Variants in ACOXL observed in about 807,000 individuals in gnomAD.
The protein encoded by ACOXL is acyl-coenzyme A oxidase-like protein.
In ACOXL, 70 loss-of-function variants were observed where a neutral mutation model predicts 71.9. The observed-to-expected ratio is 0.97, with a 90% CI of 0.80 to 1.19. ACOXL has a LOEUF of 1.19. ACOXL is among the 50% of genes most tolerant of loss of function. ACOXL has a pLI of 0.00. For synonymous variants in ACOXL, 253 were observed against 281.6 expected, an observed-to-expected ratio of 0.90 and a Z score of 1.02; for missense variants, 703 against 736.3, an observed-to-expected ratio of 0.95 and a Z score of 0.52.
chr2:110,903,049 C>T lies in ACOXL; in HGVS notation c.789-5740C>T, dbSNP rs115970554. 2.5e-3 allele frequency among the ~76,000 whole-genome samples: 383 copies of T among 152,334 alleles called. 4 individuals carry two copies. Among genetic ancestry groups the T allele is most frequent in the African/African-American group, 8.9e-3 (369 of 41,574 alleles). ...CTCCTTCTTCTGGTTGCAGGGATACCTGCAAACAAGTTTGCACCCTAAGAA... is the reference window on the plus strand; with the variant it reads ...CTCCTTCTTCTGGTTGCAGGGATACTTGCAAACAAGTTTGCACCCTAAGAA... On this transcript the variant is annotated intron_variant, in intron 10 of 17. Transcript: ENST00000439055.
At chr2:111,048,326 T>C (rs2066117383) in intron 15 of ACOXL, among the ~76,000 whole-genome samples, 1 of 152,120 alleles carries the variant, frequency 6.6e-6, no homozygotes, top group Non-Finnish European at 1.5e-5. Context: ...TCATAGAGGG[T>C]AAAGAGTGAA....
At chr2:111,039,013 G>A (rs1230433438) in intron 15 of ACOXL, among the ~76,000 whole-genome samples, 2 of 152,154 alleles carry the variant, frequency 1.3e-5, no homozygotes, top group Non-Finnish European at 2.9e-5. Context: ...CTTTAAAGGT[G>A]CCTCCTGGCA....
At chr2:110,963,236 G>A (rs1471823646) in intron 12 of ACOXL, among the ~76,000 whole-genome samples, 2 of 152,112 alleles carry the variant, frequency 1.3e-5, no homozygotes, top group African/African-American at 4.8e-5. Context: ...GGTTGCTGGG[G>A]GTGGGGGAGG....
rs376476951 is a variant in ACOXL at position 110,798,999 on chromosome 2, C to G, written c.461-15C>G. ...AGGAAGGAGAGCTTAATAATGATCTCGATGCCTTCCTTAGGGCCCCACTGT... is the reference window on the plus strand; with the variant it reads ...AGGAAGGAGAGCTTAATAATGATCTGGATGCCTTCCTTAGGGCCCCACTGT... On this transcript the variant is annotated splice_polypyrimidine_tract_variant and intron_variant, in intron 6 of 17. Coordinates refer to ENST00000439055, the MANE Select transcript of ACOXL (RefSeq NM_001142807.4). 6 of 1,612,540 alleles carry G rather than the reference C, an allele frequency of 3.7e-6. No individual in the cohort carries two copies. The African/African-American group carries it at 4.0e-5, about 11-fold the overall frequency.
chr2:111,110,888 C>T (rs2069898582), intron 17 of ACOXL, among the ~76,000 whole-genome samples: 1 of 152,152 alleles, frequency 6.6e-6, no homozygotes, highest in Admixed American at 6.5e-5. Flanking sequence ...TCATTTGGGA[C>T]AATGAAGTTG....
intron 12 of ACOXL, among the ~76,000 whole-genome samples, chr2:110,939,146 C>A (rs1650345642): frequency 6.6e-6 from 1 of 152,204 alleles, no homozygotes. Context: ...TCTTTTTCCT[C>A]TCAACTGCTA....
chr2:110,764,759 T>C (rs1295498769), intron 1 of ACOXL, among the ~76,000 whole-genome samples: 1 of 152,208 alleles, frequency 6.6e-6, no homozygotes, highest in Non-Finnish European at 1.5e-5. Context: ...AGGAACTATA[T>C]GGGAAATCTC....
At chr2:110,884,405 G>A (rs1357739408) in intron 10 of ACOXL, among the ~76,000 whole-genome samples, 1 of 152,138 alleles carries the variant, frequency 6.6e-6, no homozygotes, top group Non-Finnish European at 1.5e-5. Flanking sequence ...GGGGAGACTA[G>A]GATTCCCTTC....
Position 110,794,082 on chromosome 2 carries a change from A to G in ACOXL, c.253A>G (p.Lys85Glu). The G allele has an allele frequency of 6.2e-7, 1 of 1,614,176 alleles. No individual in the cohort carries two copies. The highest frequency in any genetic ancestry group is 8.5e-7 in the Non-Finnish European group (1 of 1,180,008). Residue 85 changes from lysine to glutamate, a missense_variant, in exon 5 of 18, where the codon AAA becomes GAA. Coordinates refer to ENST00000439055, the MANE Select transcript of ACOXL (RefSeq NM_001142807.4). ...TKWFQPLQEQKYTGMFAMTER... is the reference protein window; with the variant it reads ...TKWFQPLQEQEYTGMFAMTER... Reference sequence around the variant, plus strand: ...AACATCTGGTAAACTCCAGGAGCAGAAATACACTGGGATGTTTGCAATGAC... The same window carrying G: ...AACATCTGGTAAACTCCAGGAGCAGGAATACACTGGGATGTTTGCAATGAC...
chr2:110,923,496 A>G (rs2060156313), intron 11 of ACOXL, among the ~76,000 whole-genome samples: 1 of 152,168 alleles, frequency 6.6e-6, no homozygotes, highest in African/African-American at 2.4e-5. Flanking sequence ...AGGAGAGTAT[A>G]CATCTTTAGG....
intron 15 of ACOXL, among the ~76,000 whole-genome samples, chr2:111,032,728 G>T (rs1301445712): frequency 1.3e-5 from 2 of 152,146 alleles, no homozygotes; most frequent in Non-Finnish European, 2.9e-5. Context: ...ATCAGGGCAG[G>T]TATTATGGCC....
intron 2 of ACOXL, among the ~76,000 whole-genome samples, chr2:110,775,647 A>G (rs1247470065): frequency 1.3e-5 from 2 of 152,230 alleles, no homozygotes; most frequent in African/African-American, 2.4e-5. Context: ...AAGATGCCCA[A>G]CGTCACTAAT....
chr2:111,036,041 T>A (rs970724038), intron 15 of ACOXL, among the ~76,000 whole-genome samples: 1 of 152,260 alleles, frequency 6.6e-6, no homozygotes, highest in Non-Finnish European at 1.5e-5. Flanking sequence ...TGAATCTAGG[T>A]ACTTTCCCCT....
chr2:111,009,008 T>C (rs566769741), intron 14 of ACOXL, among the ~76,000 whole-genome samples: 2 of 152,364 alleles, frequency 1.3e-5, no homozygotes, highest in East Asian at 3.9e-4. Context: ...TTTTGTCATA[T>C]TGAAAAAATT....
chr2:110,740,453 T>C (rs1402594573), intron 1 of ACOXL, among the ~76,000 whole-genome samples: 1 of 152,204 alleles, frequency 6.6e-6, no homozygotes, highest in African/African-American at 2.4e-5. Flanking sequence ...ATGACTGACC[T>C]ATGACACTGG....
chr2:111,117,829 G>A lies in ACOXL; in HGVS notation c.*13G>A, dbSNP rs950588953. 36 of 1,542,216 alleles carry A rather than the reference G, an allele frequency of 2.3e-5. No homozygotes were observed. The highest frequency in any genetic ancestry group is 2.9e-5 in the Non-Finnish European group (33 of 1,145,208). The stretch of plus-strand genomic sequence containing the variant: ...AGCCAAGCTCTAACGGGTGTGGCGG[G>A]AAGTGTGGTGGCCCGCCAGCAGCTG... On this transcript the variant is annotated 3_prime_UTR_variant, in exon 18 of 18. Transcript: ENST00000439055.
At chr2:110,993,213 A>G (rs2063251604) in intron 13 of ACOXL, among the ~76,000 whole-genome samples, 1 of 152,252 alleles carries the variant, frequency 6.6e-6, no homozygotes, top group South Asian at 2.1e-4. Flanking sequence ...CTGAGTTTTG[A>G]CACATGCATA....
intron 9 of ACOXL, among the ~76,000 whole-genome samples, chr2:110,832,365 C>T (rs1261900384): frequency 2.0e-5 from 3 of 151,584 alleles, no homozygotes; most frequent in African/African-American, 4.8e-5. Context: ...GGTGAAACCC[C>T]GTCTCTACTA....
intron 14 of ACOXL, among the ~76,000 whole-genome samples, chr2:111,003,772 T>G (rs2063753920): frequency 6.6e-6 from 1 of 152,148 alleles, no homozygotes; most frequent in South Asian, 2.1e-4. Context: ...TGTAACCATT[T>G]TTATGGTCAA....
Sources: allele counts gnomAD v4.1 joint callset (sites outside exome capture counted in the v4.1 genomes callset), GRCh38; gene constraint gnomAD v4.1.1; transcripts MANE v1.5; gene names NCBI Gene and HGNC (gene_info 2026-07-23, HGNC 2026-07-21).